CDYL: variants seen among roughly 807,000 people sequenced by gnomAD.
The protein encoded by CDYL is chromodomain Y like.
A neutral mutation model predicts 47.3 loss-of-function variants in CDYL; 8 were observed. That is an observed-to-expected ratio of 0.17 (90% CI 0.10 to 0.31). The LOEUF is 0.31. Ranked by LOEUF, CDYL falls within the 10% of genes least tolerant of loss-of-function variation. CDYL has a pLI of 1.00. For synonymous variants in CDYL, 266 were observed against 265.0 expected, an observed-to-expected ratio of 1.00 and a Z score of -0.04; for missense variants, 471 against 701.4, an observed-to-expected ratio of 0.67 and a Z score of 3.71.
chr6:4,734,116 A>C (rs1266860200), intron 2 of CDYL, among the ~76,000 whole-genome samples: 1 of 152,082 alleles, frequency 6.6e-6, no homozygotes, highest in African/African-American at 2.4e-5. Flanking sequence ...CTGGGATTAC[A>C]GGCATGAGCC....
intron 2 of CDYL, among the ~76,000 whole-genome samples, chr6:4,720,872 A>C (rs1426425874): frequency 6.6e-6 from 1 of 152,202 alleles, no homozygotes; most frequent in Non-Finnish European, 1.5e-5. Flanking sequence ...CTATTTACTA[A>C]AGCAGTATGA....
At chr6:4,860,591 A>G (rs808609) in intron 1 of CDYL, among the ~76,000 whole-genome samples, 3,331 of 145,860 alleles carry the variant, frequency 0.023, 128 homozygotes, top group African/African-American at 0.081. Context: ...TGTATAATAT[A>G]CATATATATC....
chr6:4,941,696 A>C (rs1474384381), intron 4 of CDYL, among the ~76,000 whole-genome samples: 4 of 152,230 alleles, frequency 2.6e-5, no homozygotes, highest in Non-Finnish European at 4.4e-5. Context: ...TTTTATACAA[A>C]TATATGGGCA....
chr6:4,800,470 C>T (rs189826398), intron 1 of CDYL, among the ~76,000 whole-genome samples: 23 of 152,186 alleles, frequency 1.5e-4, no homozygotes, highest in African/African-American at 5.3e-4. Context: ...TTTATGCTGT[C>T]ATCTTTTATA....
At chr6:4,929,562 C>T (rs1015626563) in intron 2 of CDYL, among the ~76,000 whole-genome samples, 1 of 150,370 alleles carries the variant, frequency 6.7e-6, no homozygotes, top group African/African-American at 2.4e-5. Flanking sequence ...TCAAATTACA[C>T]ATATGCTAGA....
At chr6:4,918,546 A>G (rs911015185) in intron 2 of CDYL, among the ~76,000 whole-genome samples, 1 of 152,222 alleles carries the variant, frequency 6.6e-6, no homozygotes, top group African/African-American at 2.4e-5. Context: ...CTTAGTTAGA[A>G]TGATAGGATT....
At chr6:4,728,449 G>A (rs1203884863) in intron 2 of CDYL, among the ~76,000 whole-genome samples, 5 of 152,092 alleles carry the variant, frequency 3.3e-5, no homozygotes, top group Non-Finnish European at 5.9e-5. Flanking sequence ...CTTCCGTCCC[G>A]CTTGCTTCTA....
intron 2 of CDYL, among the ~76,000 whole-genome samples, chr6:4,924,472 T>TA: frequency 6.6e-6 from 1 of 152,346 alleles, no homozygotes; most frequent in Non-Finnish European, 1.5e-5. Flanking sequence ...TGGACTAAAA[T>TA]GCCTTTTACA....
In CDYL at chr6:4,935,488, A is replaced by C. The variant is rs1758162362; in HGVS notation, c.692-27A>C. 3 of 1,596,792 alleles carry C rather than the reference A, an allele frequency of 1.9e-6. No homozygotes were observed. The East Asian group carries it at 6.7e-5, about 36-fold the overall frequency. Reference sequence around the variant, plus strand: ...GTGAACTGGTGGTGGGACATCACAGACTACTGTGATTTCAAACTCTCGGCA... The same window carrying C: ...GTGAACTGGTGGTGGGACATCACAGCCTACTGTGATTTCAAACTCTCGGCA... On this transcript the variant is annotated intron_variant, in intron 2 of 6. Coordinates refer to ENST00000397588, the MANE Select transcript of CDYL (RefSeq NM_004824.4).
At chr6:4,922,875 C>T (rs771638241) in intron 2 of CDYL, among the ~76,000 whole-genome samples, 8 of 152,208 alleles carry the variant, frequency 5.3e-5, no homozygotes, top group Non-Finnish European at 8.8e-5. Flanking sequence ...TGATCACACA[C>T]CACGGGGCCT....
Position 4,886,631 on chromosome 6 carries a change from ATTT to A in CDYL, c.25-5077_25-5075del, listed in dbSNP as rs557287720. On this transcript the variant is annotated intron_variant, in intron 1 of 6. Transcript: ENST00000397588. ...TTGATATAAGTCCCTTATCAAAACA[ATTT>A]TTTTCCTCCCATTCTGTAGGTTATT... Among the ~76,000 whole-genome samples, 435 of 150,574 alleles carry A rather than the reference ATTT, an allele frequency of 2.9e-3. 3 individuals carry two copies. The highest frequency in any genetic ancestry group is 0.01 in the African/African-American group (417 of 40,988).
chr6:4,748,742 G>C (rs1376952390), intron 3 of CDYL, among the ~76,000 whole-genome samples: 2 of 151,846 alleles, frequency 1.3e-5, no homozygotes, highest in Non-Finnish European at 2.9e-5. Flanking sequence ...TAAAACTAAA[G>C]ATGGAAGAAG....
chr6:4,862,958 C>T (rs1386648591), intron 1 of CDYL, among the ~76,000 whole-genome samples: 3 of 152,154 alleles, frequency 2.0e-5, no homozygotes, highest in Non-Finnish European at 4.4e-5. Context: ...ACTTAAGTGC[C>T]TATCAACAGT....
rs376941031 is a variant in CDYL at position 4,916,545 on chromosome 6, A to G, written c.692-18970A>G. 5.3e-5 allele frequency among the ~76,000 whole-genome samples: 8 copies of G among 152,142 alleles called. No individual in the cohort carries two copies. The South Asian group carries it at 8.3e-4, about 16-fold the overall frequency. ...TGAGGTAAATGAAGACCCTGTTCTC[A>G]TGGTCTGAAAATTAATTGAAAGGCC... On this transcript the variant is annotated intron_variant, in intron 2 of 6. Coordinates refer to ENST00000397588, the MANE Select transcript of CDYL (RefSeq NM_004824.4).
chr6:4,941,047 AAG>A (rs1480787906), intron 4 of CDYL, among the ~76,000 whole-genome samples: 1 of 152,262 alleles, frequency 6.6e-6, no homozygotes, highest in African/African-American at 2.4e-5. Context: ...CCTTTAAAGG[AAG>A]AGTTTTGTTT....
intron 1 of CDYL, among the ~76,000 whole-genome samples, chr6:4,876,107 C>A (rs1415814414): frequency 1.3e-5 from 2 of 152,194 alleles, no homozygotes; most frequent in Non-Finnish European, 2.9e-5. Context: ...CATGTCCCTT[C>A]CCAGTCAGTT....
intron 1 of CDYL, among the ~76,000 whole-genome samples, chr6:4,824,715 A>G (rs1759930007): frequency 6.6e-6 from 1 of 151,848 alleles, no homozygotes; most frequent in Non-Finnish European, 1.5e-5. Context: ...TTAATTGGTT[A>G]AAGTTCAGTT....
intron 1 of CDYL, among the ~76,000 whole-genome samples, chr6:4,873,954 G>A (rs904739890): frequency 6.6e-6 from 1 of 152,074 alleles, no homozygotes; most frequent in Non-Finnish European, 1.5e-5. Flanking sequence ...CGTGTCTTTT[G>A]AGCCCCCATT....
At chr6:4,902,578 A>C (rs1757101544) in intron 2 of CDYL, among the ~76,000 whole-genome samples, 1 of 152,136 alleles carries the variant, frequency 6.6e-6, no homozygotes. Flanking sequence ...CCAGCTCTGT[A>C]CTTCCTCTTT....
Sources: gnomAD v4.1 joint callset for allele counts (sites outside exome capture counted in the v4.1 genomes callset) on GRCh38, gnomAD v4.1.1 for gene constraint, MANE v1.5 for transcripts, NCBI Gene and HGNC (gene_info 2026-07-23, HGNC 2026-07-21) for gene names.